The following IFT46 variants were observed in gnomAD, a reference collection of about 807,000 sequenced individuals.
The protein encoded by IFT46 is intraflagellar transport protein 46 homolog.
A neutral mutation model predicts 39.6 loss-of-function variants in IFT46; 19 were observed. The observed-to-expected ratio is 0.48, with a 90% CI of 0.33 to 0.70. IFT46 has a LOEUF of 0.70. IFT46 is among the 30% of genes least tolerant of loss of function. The probability of loss-of-function intolerance (pLI) is 0.01; values close to 1 mark genes in which losing one functional copy is unlikely to be tolerated. For synonymous variants in IFT46, 117 were observed against 134.8 expected (o/e 0.87, Z 0.91); for missense variants, 334 against 364.8 (o/e 0.92, Z 0.69).
chr11:118,574,846 G>A (rs1555073169), upstream of IFT46, among the ~76,000 whole-genome samples: 1 of 151,890 alleles, frequency 6.6e-6, no homozygotes, highest in African/African-American at 2.4e-5. Context: ...AGTGCACTGC[G>A]GCCTAGAACT....
chr11:118,552,479 G>T, intron 7 of IFT46, 144 bp from the exon 8 acceptor site: 2 of 970,590 alleles, frequency 2.1e-6, no homozygotes, highest in South Asian at 3.2e-5. Context: ...AAATGAAGGG[G>T]ATAGAAAACC....
intron 9 of IFT46, among the ~76,000 whole-genome samples, chr11:118,550,880 AGC>A (rs1555068252): frequency 6.6e-6 from 1 of 151,812 alleles, no homozygotes; most frequent in Admixed American, 6.6e-5. Context: ...TACAAAAATT[AGC>A]CAGGCACAGT....
chr11:118,563,111 C>T (rs1938117834), intron 2 of IFT46, among the ~76,000 whole-genome samples: 1 of 151,360 alleles, frequency 6.6e-6, no homozygotes, highest in Non-Finnish European at 1.5e-5. Context: ...TATTACTCAG[C>T]CTTAAAAAGA....
Position 118,551,812 on chromosome 11 carries a change from G to C in IFT46, c.646C>G (p.Pro216Ala), listed in dbSNP as rs781972631. The change falls in exon 9 of 12, where the codon CCG becomes GCG. Residue 216 changes from proline to alanine, a missense_variant. Pro to Ala is a conservative substitution (Grantham distance 27, BLOSUM62 -1). Coordinates refer to ENST00000264021, the MANE Select transcript of IFT46 (RefSeq NM_001168618.2). ...TTGCCCAAAAGCTCTTCAAACTCCG[G>C]GGACCATTCCTGCATCAGCGTGTCA... ...DIDTLMQEWS[P>A]EFEELLGKVS... The C allele has an allele frequency of 1.1e-5, 18 of 1,613,962 alleles. No homozygotes were observed. The Admixed American group carries it at 1.8e-4, about 16-fold the overall frequency.
At chr11:118,551,972 G>A (rs919372234) in intron 8 of IFT46, 120 bp from the exon 9 acceptor site, 28 of 1,120,816 alleles carry the variant, frequency 2.5e-5, no homozygotes, top group Non-Finnish European at 3.6e-5. Flanking sequence ...GAAGGCTTCA[G>A]GAGAACCTAG....
intron 9 of IFT46, chr11:118,546,277 C>T (rs1459454811): frequency 6.0e-6 from 4 of 663,760 alleles, no homozygotes; most frequent in Admixed American, 2.5e-5. Flanking sequence ...GTGGGCAGAT[C>T]GCCTGAGCCT....
At chr11:118,563,047 A>G (rs1555070833) in intron 2 of IFT46, among the ~76,000 whole-genome samples, 1 of 151,990 alleles carries the variant, frequency 6.6e-6, no homozygotes, top group African/African-American at 2.4e-5. Flanking sequence ...CCTGGGTGAC[A>G]GAGCGAAATT....
At chr11:118,563,001 G>A (rs1031536250) in intron 2 of IFT46, among the ~76,000 whole-genome samples, 14 of 151,854 alleles carry the variant, frequency 9.2e-5, no homozygotes, top group Admixed American at 7.2e-4. Context: ...GGAGGCGTAG[G>A]TTGCAGTGAG....
chr11:118,561,211 C>G lies in IFT46; in HGVS notation c.-35-1347G>C, dbSNP rs1391532601. ...TGGATGGAGGCTTGTCTGTCCCTCA[C>G]AGTACCAAACGATTCCCTAGTTATG... is the stretch of plus-strand genomic sequence containing the variant. On this transcript the variant is annotated intron_variant, in intron 2 of 11. Transcript: ENST00000264021. 2.2e-6 allele frequency: 3 copies of G among 1,376,456 alleles called. No homozygotes were observed. The East Asian group carries it at 6.9e-5, about 32-fold the overall frequency. The allele number at this position is 1,376,456 out of a possible 1,614,324, so 85.3% of individuals were successfully genotyped here.
intron 7 of IFT46, 137 bp from the exon 8 acceptor site, chr11:118,552,472 T>C (rs781855695): frequency 4.0e-5 from 41 of 1,024,404 alleles, no homozygotes; most frequent in Non-Finnish European, 5.7e-5. Flanking sequence ...AGTAGCCAAA[T>C]GAAGGGGATA....
At chr11:118,564,263 C>G (rs1861246591) in intron 2 of IFT46, among the ~76,000 whole-genome samples, 1 of 151,790 alleles carries the variant, frequency 6.6e-6, no homozygotes, top group Middle Eastern at 3.2e-3. Context: ...AAACAATCTG[C>G]CTCCATCAGT....
At chr11:118,566,084 A>C (rs981597733), upstream of IFT46, 1 of 152,248 alleles carries the variant, frequency 6.6e-6, no homozygotes. Flanking sequence ...CTATGGTTTC[A>C]GTAAATACGT....
upstream of IFT46, among the ~76,000 whole-genome samples, chr11:118,569,956 A>G (rs549378658): frequency 9.9e-5 from 15 of 151,518 alleles, no homozygotes; most frequent in Non-Finnish European, 1.9e-4. Flanking sequence ...ATCTCAACTC[A>G]CTGCAACCTC....
At chr11:118,546,617 T>G (rs1185390583) in intron 9 of IFT46, 1 of 159,450 alleles carries the variant, frequency 6.3e-6, no homozygotes, top group Non-Finnish European at 1.4e-5. Flanking sequence ...CAGTCTATGG[T>G]ACTTTGTTAT....
chr11:118,545,356 A>C (rs546465679), intron 11 of IFT46, 53 bp downstream of exon 11: 156 of 1,309,390 alleles, frequency 1.2e-4, no homozygotes, highest in Non-Finnish European at 1.7e-4. Context: ...AGAACAGTAG[A>C]AACTATAGTG....
chr11:118,551,919 C>T, intron 8 of IFT46, 67 bp from the exon 9 acceptor site: 1 of 1,445,680 alleles, frequency 6.9e-7, no homozygotes, highest in Admixed American at 1.7e-5. Context: ...TCTGGATCAG[C>T]ATATTCTAGG....
At chr11:118,556,760 G>A in intron 4 of IFT46, 146 bp downstream of exon 4, 2 of 940,614 alleles carry the variant, frequency 2.1e-6, no homozygotes, top group Non-Finnish European at 1.5e-6. Flanking sequence ...TCATTATTAT[G>A]TTGGGTTTCT....
chr11:118,559,856 G>T lies in IFT46; in HGVS notation c.-27C>A, dbSNP rs782401277. ...GCCTTGTTAGGAAGATGGGCAGAAC[G>T]AGGAAGTCCTTAGAAAAAAAGTTTT... is the stretch of plus-strand genomic sequence containing the variant. On this transcript the variant is annotated 5_prime_UTR_variant, in exon 3 of 12. Transcript: ENST00000264021. 2 of 1,598,796 alleles carry T rather than the reference G, an allele frequency of 1.3e-6. No homozygotes were observed. The highest frequency in any genetic ancestry group is 2.2e-5 in the South Asian group (2 of 89,624).
upstream of IFT46, among the ~76,000 whole-genome samples, chr11:118,574,269 T>C (rs1334921873): frequency 6.6e-6 from 1 of 152,182 alleles, no homozygotes; most frequent in Admixed American, 6.5e-5. Context: ...TGTTAAGACA[T>C]TGGTATGATT....
Sources: gnomAD v4.1 joint callset for allele counts (sites outside exome capture counted in the v4.1 genomes callset) on GRCh38, gnomAD v4.1.1 for gene constraint, MANE v1.5 for transcripts, NCBI Gene and HGNC (gene_info 2026-07-23, HGNC 2026-07-21) for gene names.